Variants in KCNK12 observed in about 807,000 individuals in gnomAD.
The protein encoded by KCNK12 is potassium two pore domain channel subfamily K member 12.
In KCNK12, 6 loss-of-function variants were observed where a neutral mutation model predicts 25.3. The ratio of observed to expected loss-of-function variants is 0.24; its 90% confidence interval spans 0.13 to 0.47. The LOEUF is 0.47. Ranked by LOEUF, KCNK12 falls within the 20% of genes least tolerant of loss-of-function variation. The probability of loss-of-function intolerance (pLI) is 0.99; values close to 1 mark genes in which losing one functional copy is unlikely to be tolerated. For synonymous variants in KCNK12, 331 were observed against 311.1 expected, an observed-to-expected ratio of 1.06 and a Z score of -0.67; for missense variants, 444 against 661.7, an observed-to-expected ratio of 0.67 and a Z score of 3.61.
intron 1 of KCNK12, among the ~76,000 whole-genome samples, chr2:47,552,461 T>C (rs1669457623): frequency 6.6e-6 from 1 of 152,192 alleles, no homozygotes. Context: ...AATCTCCAGA[T>C]GCATTGTTAG....
In KCNK12 at chr2:47,538,960, GAATTT is replaced by G. The variant is rs796983038; in HGVS notation, c.392-17157_392-17153del. Among the ~76,000 whole-genome samples the G allele has an allele frequency of 4.6e-5, 7 of 152,354 alleles. No individual in the cohort carries two copies. The highest frequency in any genetic ancestry group is 1.7e-4 in the African/African-American group (7 of 41,590). On this transcript the variant is annotated intron_variant, in intron 1 of 1. Transcript: ENST00000327876. The surrounding 1 kb of genome is among the most constrained non-coding windows in gnomAD (Gnocchi z 4.5). ...GATTTCAAGCAACAGCAGATATGCTGAATTTATTTGATAACTGTCTTCTTTTTCTC... is the reference window on the plus strand; with the variant it reads ...GATTTCAAGCAACAGCAGATATGCTGATTTGATAACTGTCTTCTTTTTCTC...
rs912403867 is a variant in KCNK12, at chr2:47,517,467, C to G, written c.*3440G>C. On this transcript the variant is annotated 3_prime_UTR_variant, in exon 2 of 2. Transcript: ENST00000327876. The surrounding 1 kb of genome is among the most constrained non-coding windows in gnomAD (Gnocchi z 4.1). ...AAGGCAGAGAGGGATTTTCCAGGCC[C>G]TGGTACATCTCTAGAGAGTTAAAAA... is the stretch of plus-strand genomic sequence containing the variant. 3 of 152,160 alleles carry G rather than the reference C, an allele frequency of 2.0e-5. No homozygotes were observed. In the South Asian group the frequency reaches 6.2e-4, roughly 32 times the overall value. 9.4% of individuals were successfully genotyped at this position (152,160 alleles called of 1,614,324 possible). A position where few individuals can be genotyped will look rare whatever the true frequency, so the allele number is the denominator to read the frequency against.
In KCNK12 at chr2:47,565,382, G is replaced by C. The variant is rs140696762; in HGVS notation, c.391+4559C>G. The C allele has an allele frequency of 3.3e-5, 5 of 152,306 alleles. No individual in the cohort carries two copies. The highest frequency in any genetic ancestry group is 7.4e-5 in the Non-Finnish European group (5 of 68,018). The allele number at this position is 152,306 out of a possible 1,614,324, so 9.4% of individuals were successfully genotyped here. The stretch of plus-strand genomic sequence containing the variant: ...TTTTAAAAATCCATGTTGAAAAAGA[G>C]GGAAAAAGTTAGGACTTGTTACTAA... On this transcript the variant is annotated intron_variant, in intron 1 of 1. Transcript: ENST00000327876. The surrounding 1 kb of genome is among the most constrained non-coding windows in gnomAD (Gnocchi z 5.0).
At position 47,515,981 on chromosome 2, in the gene KCNK12, T is replaced by A. The variant is rs1476146537; in HGVS notation, c.*4926A>T. Among the ~76,000 whole-genome samples, 1 of 152,142 alleles carries A rather than the reference T, an allele frequency of 6.6e-6. No homozygotes were observed. The highest frequency in any genetic ancestry group is 1.5e-5 in the Non-Finnish European group (1 of 68,016). On this transcript the variant is annotated 3_prime_UTR_variant, in exon 2 of 2. Transcript: ENST00000327876. ...CTTGCAATTGTGGAGGACTTTACAC[T>A]TTTCGGAGTTCCTAGCCCCTCACTT...
chr2:47,558,692 TAG>T (rs1221444489), intron 1 of KCNK12, among the ~76,000 whole-genome samples: 1 of 152,124 alleles, frequency 6.6e-6, no homozygotes, highest in African/African-American at 2.4e-5. Context: ...TGGAAAGGAT[TAG>T]AGAGGAGTCA....
chr2:47,541,397 C>T (rs1669195420), intron 1 of KCNK12, among the ~76,000 whole-genome samples: 1 of 152,166 alleles, frequency 6.6e-6, no homozygotes, highest in Admixed American at 6.5e-5. Flanking sequence ...AATCACCAAG[C>T]CACACCAAAT....
intron 1 of KCNK12, among the ~76,000 whole-genome samples, chr2:47,544,525 G>A (rs1370136841): frequency 1.3e-5 from 2 of 152,240 alleles, no homozygotes; most frequent in South Asian, 4.1e-4. Context: ...GTACTTTCTT[G>A]TCTAACTCAT....
Position 47,518,269 on chromosome 2 carries a change from A to G in KCNK12, c.*2638T>C, listed in dbSNP as rs1373561060. 1 of 152,356 alleles carries G rather than the reference A, an allele frequency of 6.6e-6. No homozygotes were observed. Among genetic ancestry groups the G allele is most frequent in the Non-Finnish European group, 1.5e-5 (1 of 68,170 alleles). The allele number at this position is 152,356 out of a possible 1,614,324, so 9.4% of individuals were successfully genotyped here. On this transcript the variant is annotated 3_prime_UTR_variant, in exon 2 of 2. Coordinates refer to ENST00000327876, the MANE Select transcript of KCNK12 (RefSeq NM_022055.2). This position sits in a 1 kb window ranked among gnomAD's most constrained non-coding sequence, Gnocchi z 4.1. ...GGATGGGGACAGGGGAACATAGGCA[A>G]AAATACACATGTGCCACTGGATCCT...
Position 47,556,988 on chromosome 2 carries a change from T to C in KCNK12, c.391+12953A>G, listed in dbSNP as rs1669562683. ...GAAAGAAATATGGTTATAGATGAGA[T>C]GGTTAAGGAGCCCAGTTCTTGGATG... On this transcript the variant is annotated intron_variant, in intron 1 of 1. Transcript: ENST00000327876. This position sits in a 1 kb window ranked among gnomAD's most constrained non-coding sequence, Gnocchi z 4.8. Among the ~76,000 whole-genome samples the C allele has an allele frequency of 6.6e-6, 1 of 152,084 alleles. No homozygotes were observed. Among genetic ancestry groups the C allele is most frequent in the African/African-American group, 2.4e-5 (1 of 41,396 alleles).
rs1293206955 is a variant in KCNK12, at chr2:47,517,898, C to G, written c.*3009G>C. On this transcript the variant is annotated 3_prime_UTR_variant, in exon 2 of 2. Coordinates refer to ENST00000327876, the MANE Select transcript of KCNK12 (RefSeq NM_022055.2). This position sits in a 1 kb window ranked among gnomAD's most constrained non-coding sequence, Gnocchi z 4.1. ...CAAACTTTAAGGGAGCCCCACAGCA[C>G]CGGCATGATGGGTAAGTCCAGGCCT... is the stretch of plus-strand genomic sequence containing the variant. The G allele has an allele frequency of 6.6e-6, 1 of 152,164 alleles. No homozygotes were observed. The highest frequency in any genetic ancestry group is 2.4e-5 in the African/African-American group (1 of 41,414). 9.4% of individuals were successfully genotyped at this position (152,164 alleles called of 1,614,324 possible).
At chr2:47,541,171 T>C (rs1377892829) in intron 1 of KCNK12, among the ~76,000 whole-genome samples, 1 of 152,118 alleles carries the variant, frequency 6.6e-6, no homozygotes, top group Non-Finnish European at 1.5e-5. Flanking sequence ...CTTTTCCAAT[T>C]GATTTTTAGC....
chr2:47,570,325 A>T lies in KCNK12; in HGVS notation c.7T>A (p.Ser3Thr), dbSNP rs1410955543. The T allele has an allele frequency of 1.9e-5, 25 of 1,324,378 alleles. No homozygotes were observed. Among genetic ancestry groups the T allele is most frequent in the African/African-American group, 3.1e-5 (2 of 64,102 alleles). 82.0% of individuals were successfully genotyped at this position (1,324,378 alleles called of 1,614,324 possible). ...CGGGGCGGGGGCCGGGGGCTGCGGG[A>T]GGACATGGTCCGGAGCTCAGCCCCG... MS[S>T]RSPRPPPRRS... is the part of the protein sequence containing the mutation. The change falls in exon 1 of 2, where the codon TCC (serine) becomes ACC (threonine). Residue 3 changes from serine to threonine, a missense_variant. Transcript: ENST00000327876.
chr2:47,530,151 A>G (rs1668886250), intron 1 of KCNK12, among the ~76,000 whole-genome samples: 1 of 152,184 alleles, frequency 6.6e-6, no homozygotes, highest in East Asian at 1.9e-4. Flanking sequence ...GCCAGCGGCC[A>G]GGCCTCCCCA....
chr2:47,544,795 A>G (rs1669277064), intron 1 of KCNK12, among the ~76,000 whole-genome samples: 1 of 152,306 alleles, frequency 6.6e-6, no homozygotes, highest in South Asian at 2.1e-4. Flanking sequence ...AAACCATGGC[A>G]CATCCTTTCT....
Position 47,557,574 on chromosome 2 carries a change from C to T in KCNK12, c.391+12367G>A, listed in dbSNP as rs1362258684. ...ACCACTACATTGTACTGCAAATTGT[C>T]ACTTGGCAATGCAGATTTCTTCATT... On this transcript the variant is annotated intron_variant, in intron 1 of 1. Transcript: ENST00000327876. This position sits in a 1 kb window ranked among gnomAD's most constrained non-coding sequence, Gnocchi z 4.9. Among the ~76,000 whole-genome samples, 2 of 152,156 alleles carry T rather than the reference C, an allele frequency of 1.3e-5. No individual in the cohort carries two copies. Among genetic ancestry groups the T allele is most frequent in the Non-Finnish European group, 2.9e-5 (2 of 68,032 alleles).
chr2:47,539,391 G>A (rs1427049494), intron 1 of KCNK12, among the ~76,000 whole-genome samples: 1 of 152,210 alleles, frequency 6.6e-6, no homozygotes, highest in Non-Finnish European at 1.5e-5. Flanking sequence ...GTCAAAAAGT[G>A]TCTCTGGCTG....
At chr2:47,554,866 T>C (rs1669519441) in intron 1 of KCNK12, among the ~76,000 whole-genome samples, 1 of 152,154 alleles carries the variant, frequency 6.6e-6, no homozygotes. Flanking sequence ...GCGAGACAAG[T>C]GGATGGAATC....
chr2:47,516,037 G>T lies in KCNK12; in HGVS notation c.*4870C>A, dbSNP rs557725245. Among the ~76,000 whole-genome samples, 1 of 152,152 alleles carries T rather than the reference G, an allele frequency of 6.6e-6. No homozygotes were observed. Among genetic ancestry groups the T allele is most frequent in the East Asian group, 1.9e-4 (1 of 5,192 alleles). On this transcript the variant is annotated 3_prime_UTR_variant, in exon 2 of 2. Transcript: ENST00000327876. ...TCGTAAGACCGCTGGGAGGTGGGGG[G>T]ATGGTATCATCATCCCACTTTAGAG...
Position 47,570,143 on chromosome 2 carries a change from G to T in KCNK12, c.189C>A (p.Pro63=), listed in dbSNP as rs749453881. Residue 63 remains proline (P), a synonymous_variant, in exon 1 of 2, where the codon CCC becomes CCA. Transcript: ENST00000327876. The part of the protein sequence containing the change: ...GATVFSALES[P]GEAEARARWG... ...AGCGCGCCCGCGCCTCCGCCTCGCCGGGGCTCTCGAGCGCCGAGAAGACTG... is the reference window on the plus strand; with the variant it reads ...AGCGCGCCCGCGCCTCCGCCTCGCCTGGGCTCTCGAGCGCCGAGAAGACTG... 120 of 1,456,058 alleles carry T rather than the reference G, an allele frequency of 8.2e-5. No individual in the cohort carries two copies. The highest frequency in any genetic ancestry group is 1.0e-4 in the Non-Finnish European group (116 of 1,105,860). 90.2% of individuals were successfully genotyped at this position (1,456,058 alleles called of 1,614,324 possible).
Sources: gnomAD v4.1 joint callset for allele counts (sites outside exome capture counted in the v4.1 genomes callset) on GRCh38, gnomAD v4.1.1 for gene constraint, Gnocchi (gnomAD v3.1) non-coding constraint, MANE v1.5 for transcripts, NCBI Gene and HGNC (gene_info 2026-07-23, HGNC 2026-07-21) for gene names.